AJAP1: variants seen among roughly 807,000 people sequenced by gnomAD.
AJAP1 encodes adherens junctions associated protein 1.
A neutral mutation model predicts 35.0 loss-of-function variants in AJAP1; 5 were observed. The ratio of observed to expected loss-of-function variants is 0.14; its 90% CI spans 0.07 to 0.30. AJAP1 has a LOEUF of 0.30. Among genes scored for constraint, AJAP1 ranks in the 10% least tolerant of loss-of-function variants. The pLI, the probability that AJAP1 is intolerant of heterozygous loss-of-function variation, is 1.00. For missense variants in AJAP1, 586 were observed against 571.0 expected (o/e 1.03, Z -0.27); for synonymous variants, 284 against 249.3 (o/e 1.14, Z -1.31).
chr1:4,776,530 C>T (rs542419984), intron 5 of AJAP1, among the ~76,000 whole-genome samples: 31 of 152,096 alleles, frequency 2.0e-4, no homozygotes, highest in South Asian at 4.2e-4. Flanking sequence ...AACAGGAGCC[C>T]GCAGCACTGA....
chr1:4,789,392 C>A lies in AJAP1; in HGVS notation c.*6907C>A, dbSNP rs1046046567. On this transcript the variant is annotated 3_prime_UTR_variant, in exon 6 of 6. Transcript: ENST00000378191. This position sits in a 1 kb window ranked among gnomAD's most constrained non-coding sequence, Gnocchi z 4.4. ...AGTAAAACATCTGTTAAGTAACATG[C>A]GGCAGGAAAGGATGCAGGGAGCATT... 6.6e-6 allele frequency: 1 copy of A among 152,128 alleles called. No individual in the cohort carries two copies. Among genetic ancestry groups the A allele is most frequent in the Non-Finnish European group, 1.5e-5 (1 of 68,022 alleles). The allele number at this position is 152,128 out of a possible 1,614,324, so 9.4% of individuals were successfully genotyped here. A position where few individuals can be genotyped will look rare whatever the true frequency, so the allele number is the denominator to read the frequency against.
rs1468369670 is a variant in AJAP1, at chr1:4,693,569, G to C, written c.30-18331G>C. ...GCATCAGGGGACTGGGAGCGGGAGG[G>C]GAGGAAGAGTTGCCAGCTCATGTCA... is the stretch of plus-strand genomic sequence containing the variant. On this transcript the variant is annotated intron_variant, in intron 1 of 5. Coordinates refer to ENST00000378191, the MANE Select transcript of AJAP1 (RefSeq NM_018836.4). This position sits in a 1 kb window ranked among gnomAD's most constrained non-coding sequence, Gnocchi z 4.4. Among the ~76,000 whole-genome samples, 1 of 152,248 alleles carries C rather than the reference G, an allele frequency of 6.6e-6. No homozygotes were observed. The highest frequency in any genetic ancestry group is 1.5e-5 in the Non-Finnish European group (1 of 68,040).
rs1642208922 is a variant in AJAP1, at chr1:4,788,761, T to G, written c.*6276T>G. The G allele has an allele frequency of 6.6e-6, 1 of 152,104 alleles. No homozygotes were observed. The highest frequency in any genetic ancestry group is 2.4e-5 in the African/African-American group (1 of 41,406). 9.4% of individuals were successfully genotyped at this position (152,104 alleles called of 1,614,324 possible). On this transcript the variant is annotated 3_prime_UTR_variant, in exon 6 of 6. Coordinates refer to ENST00000378191, the MANE Select transcript of AJAP1 (RefSeq NM_018836.4). ...GCGGTGTGCACAATGGCCCCCAGAA[T>G]ATCCAGTGACCCAAGTGATGTTAGT... is the stretch of plus-strand genomic sequence containing the variant.
chr1:4,728,518 A>G (rs948706530), intron 2 of AJAP1, among the ~76,000 whole-genome samples: 4 of 152,060 alleles, frequency 2.6e-5, no homozygotes, highest in African/African-American at 4.8e-5. Context: ...GATGCTGTGT[A>G]GGGGTGTGAG....
At chr1:4,771,914 G>GACCC (rs549169217) in intron 3 of AJAP1, among the ~76,000 whole-genome samples, 99 of 152,168 alleles carry the variant, frequency 6.5e-4, no homozygotes, top group African/African-American at 2.3e-3. Context: ...TGGCAGGAAG[G>GACCC]ACCCACCACA....
intron 1 of AJAP1, among the ~76,000 whole-genome samples, chr1:4,670,510 T>C (rs1570093400): frequency 6.6e-6 from 1 of 152,198 alleles, no homozygotes; most frequent in African/African-American, 2.4e-5. Flanking sequence ...GACCCACCCA[T>C]GTACGGTGAA....
intron 1 of AJAP1, among the ~76,000 whole-genome samples, chr1:4,677,598 A>T (rs77605934): frequency 0.081 from 12,244 of 150,410 alleles, 678 homozygotes; most frequent in East Asian, 0.22. Context: ...ATTAAAAAAA[A>T]ATTTAACATC....
Position 4,674,042 on chromosome 1 carries a change from CAAAAAAAAAAAAAAAA to C in AJAP1, c.29+18597_29+18612del, listed in dbSNP as rs57335438. Among the ~76,000 whole-genome samples the C allele has an allele frequency of 4.9e-5, 4 of 81,956 alleles. No individual in the cohort carries two copies. In the South Asian group the frequency reaches 2.2e-3, roughly 46 times the overall value. 53.8% of individuals were successfully genotyped at this position (81,956 alleles called of 152,430 possible). A position where few individuals can be genotyped will look rare whatever the true frequency, so the allele number is the denominator to read the frequency against. On this transcript the variant is annotated intron_variant, in intron 1 of 5. Transcript: ENST00000378191. ...GAGATAGGCTTATCCCCCCCGCCAC[CAAAAAAAAAAAAAAAA>C]AAAAAAAAGGAACAAAAAGGATTGT...
chr1:4,685,306 C>T (rs962055449), intron 1 of AJAP1, among the ~76,000 whole-genome samples: 17 of 152,130 alleles, frequency 1.1e-4, no homozygotes, highest in East Asian at 3.9e-4. Context: ...TGTATAATTC[C>T]GTATGAAAAA....
At chr1:4,710,219 C>G (rs370443821) in intron 1 of AJAP1, among the ~76,000 whole-genome samples, 1 of 152,110 alleles carries the variant, frequency 6.6e-6, no homozygotes, top group Non-Finnish European at 1.5e-5. Flanking sequence ...CTGACACACA[C>G]GAGCATAGAT....
Position 4,656,442 on chromosome 1 carries a change from G to T in AJAP1, c.29+988G>T, listed in dbSNP as rs1638884228. ...GACAGAGGTGGAGGCGGAGAGCAGC[G>T]TGCGGTTCTCGAGTTTGTCCACTGG... On this transcript the variant is annotated intron_variant, in intron 1 of 5. Coordinates refer to ENST00000378191, the MANE Select transcript of AJAP1 (RefSeq NM_018836.4). The surrounding 1 kb of genome is among the most constrained non-coding windows in gnomAD (Gnocchi z 5.7). Among the ~76,000 whole-genome samples, 1 of 152,212 alleles carries T rather than the reference G, an allele frequency of 6.6e-6. No homozygotes were observed. The highest frequency in any genetic ancestry group is 2.1e-4 in the South Asian group (1 of 4,826).
intron 2 of AJAP1, among the ~76,000 whole-genome samples, chr1:4,744,049 CATGGGACGAGA>C (rs982643282): frequency 1.4e-4 from 22 of 152,170 alleles, no homozygotes; most frequent in Admixed American, 5.2e-4. Context: ...TTAAAGGGGT[CATGGGACGAGA>C]GTGGGACGTG....
intron 2 of AJAP1, among the ~76,000 whole-genome samples, chr1:4,746,958 C>T (rs900786758): frequency 3.3e-5 from 5 of 152,194 alleles, no homozygotes; most frequent in African/African-American, 4.8e-5. Context: ...AAGGTAAAAG[C>T]ACCAGATTAG....
rs1641902895 is a variant in AJAP1, at chr1:4,774,432, C to T, written c.1169C>T (p.Ser390Phe). ...YKSTFNGNRP[S>F]SSDRHLIPVA... ...CATTTTTCTGTTCACCGCAGACCCT[C>T]CTCTTCTGATCGGCATCTTATTCCT... The change falls in exon 5 of 6, where the codon TCC becomes TTC. Residue 390 changes from serine (S) to phenylalanine (F), a missense_variant. Coordinates refer to ENST00000378191, the MANE Select transcript of AJAP1 (RefSeq NM_018836.4). 1.2e-6 allele frequency: 2 copies of T among 1,614,104 alleles called. No individual in the cohort carries two copies. Among genetic ancestry groups the T allele is most frequent in the African/African-American group, 1.3e-5 (1 of 74,946 alleles).
At chr1:4,773,928 C>A (rs1641892176) in intron 4 of AJAP1, among the ~76,000 whole-genome samples, 1 of 152,204 alleles carries the variant, frequency 6.6e-6, no homozygotes. Context: ...TTGGATGGAA[C>A]TAGTTCTTGC....
intron 2 of AJAP1, among the ~76,000 whole-genome samples, chr1:4,735,569 T>C (rs913660914): frequency 2.0e-5 from 3 of 152,198 alleles, no homozygotes; most frequent in African/African-American, 7.2e-5. Context: ...GACAGCCCAC[T>C]GAATAGCCAG....
chr1:4,775,638 T>C (rs1641926315), intron 5 of AJAP1, among the ~76,000 whole-genome samples: 1 of 152,216 alleles, frequency 6.6e-6, no homozygotes, highest in Admixed American at 6.5e-5. Context: ...ATCCTGGCAC[T>C]AATGAACTGC....
chr1:4,755,913 A>G (rs1641419925), intron 2 of AJAP1, among the ~76,000 whole-genome samples: 1 of 152,156 alleles, frequency 6.6e-6, no homozygotes, highest in African/African-American at 2.4e-5. Context: ...AAGGCAGGCC[A>G]GGTTGATCAG....
chr1:4,729,371 A>T (rs2100296032), intron 2 of AJAP1, among the ~76,000 whole-genome samples: 1 of 152,174 alleles, frequency 6.6e-6, no homozygotes, highest in African/African-American at 2.4e-5. Context: ...TGAGACTTGG[A>T]GCTGCTGCCC....
Sources: gnomAD v4.1 joint callset for allele counts (sites outside exome capture counted in the v4.1 genomes callset) on GRCh38, gnomAD v4.1.1 for gene constraint, Gnocchi (gnomAD v3.1) non-coding constraint, MANE v1.5 for transcripts, NCBI Gene and HGNC (gene_info 2026-07-23, HGNC 2026-07-21) for gene names.